ACER3: variants seen among roughly 807,000 people sequenced by gnomAD.
ACER3 encodes the protein alkCDase 3.
A neutral mutation model predicts 48.9 loss-of-function variants in ACER3; 16 were observed. That is an observed-to-expected ratio of 0.33 (90% CI 0.22 to 0.50). The LOEUF is 0.50. ACER3 is among the 20% of genes least tolerant of loss of function. The pLI is 0.98. For missense variants in ACER3, 227 were observed against 326.0 expected (o/e 0.70, Z 2.34); for synonymous variants, 109 against 107.8 (o/e 1.01, Z -0.07).
intron 3 of ACER3, among the ~76,000 whole-genome samples, chr11:76,961,783 A>G (rs1948000748): frequency 6.8e-6 from 1 of 148,058 alleles, no homozygotes; most frequent in Non-Finnish European, 1.5e-5. Context: ...TAGATAATAA[A>G]TGATGTATTA....
At chr11:76,942,074 CTT>C (rs1348144516) in intron 2 of ACER3, among the ~76,000 whole-genome samples, 6 of 151,928 alleles carry the variant, frequency 3.9e-5, no homozygotes, top group Non-Finnish European at 8.8e-5. Flanking sequence ...TTGGTGGAGT[CTT>C]TAGGATTGTC....
chr11:76,886,466 T>C (rs1945673476), intron 1 of ACER3, among the ~76,000 whole-genome samples: 1 of 152,228 alleles, frequency 6.6e-6, no homozygotes, highest in African/African-American at 2.4e-5. Context: ...GAAATACCAT[T>C]GACAGTATAA....
At chr11:76,912,752 T>C (rs1389390704) in intron 1 of ACER3, among the ~76,000 whole-genome samples, 2 of 152,168 alleles carry the variant, frequency 1.3e-5, no homozygotes, top group African/African-American at 4.8e-5. Flanking sequence ...TTTTTGCATG[T>C]ATTAAGGCAA....
At position 76,995,658 on chromosome 11, in the gene ACER3, C is replaced by T. The variant is rs188271725; in HGVS notation, c.439-3105C>T. On this transcript the variant is annotated intron_variant, in intron 6 of 10. Coordinates refer to ENST00000532485, the MANE Select transcript of ACER3 (RefSeq NM_018367.7). ...AAGTTTAGAAATCAAACTTATATAG[C>T]TGAACATGCTGCCAGCCAGATAAAA... 4.0e-5 allele frequency among the ~76,000 whole-genome samples: 6 copies of T among 151,788 alleles called. No individual in the cohort carries two copies. In the East Asian group the frequency reaches 5.8e-4, roughly 15 times the overall value.
At chr11:76,938,684 T>C (rs1444384562) in intron 2 of ACER3, among the ~76,000 whole-genome samples, 2 of 152,152 alleles carry the variant, frequency 1.3e-5, no homozygotes, top group Non-Finnish European at 2.9e-5. Context: ...AGATACAGAT[T>C]TGGATGAGCG....
chr11:76,886,360 G>C (rs980207088), intron 1 of ACER3, among the ~76,000 whole-genome samples: 1 of 152,200 alleles, frequency 6.6e-6, no homozygotes, highest in African/African-American at 2.4e-5. Flanking sequence ...CCATGGTAAA[G>C]AGATTGGCTT....
chr11:76,902,672 T>C (rs1055302091), intron 1 of ACER3, among the ~76,000 whole-genome samples: 2 of 152,198 alleles, frequency 1.3e-5, no homozygotes, highest in Non-Finnish European at 2.9e-5. Context: ...TATTCAAAGT[T>C]TACAATATTG....
At chr11:76,942,402 T>G (rs1947361602) in intron 2 of ACER3, among the ~76,000 whole-genome samples, 2 of 152,208 alleles carry the variant, frequency 1.3e-5, no homozygotes, top group South Asian at 4.1e-4. Flanking sequence ...GATTTTTTTT[T>G]GCATCTATTG....
chr11:77,000,861 C>A (rs1340787545), intron 7 of ACER3, among the ~76,000 whole-genome samples: 1 of 151,872 alleles, frequency 6.6e-6, no homozygotes, highest in African/African-American at 2.4e-5. Flanking sequence ...CCACTTCATT[C>A]TTTTTTTTCA....
chr11:76,893,969 G>A (rs1235976174), intron 1 of ACER3, among the ~76,000 whole-genome samples: 1 of 152,138 alleles, frequency 6.6e-6, no homozygotes, highest in Non-Finnish European at 1.5e-5. Context: ...TCAACTTCTT[G>A]GCATCAGCAT....
At chr11:76,998,491 A>T (rs1320984572) in intron 6 of ACER3, 1 of 358,012 alleles carries the variant, frequency 2.8e-6, no homozygotes, top group African/African-American at 2.2e-5. Flanking sequence ...GTTTCAGCAG[A>T]TATTTAAAAT....
intron 4 of ACER3, among the ~76,000 whole-genome samples, chr11:76,979,629 G>A (rs1360033285): frequency 4.6e-5 from 7 of 151,786 alleles, no homozygotes; most frequent in Admixed American, 4.6e-4. Context: ...CTCCAGCCTG[G>A]GTGACAGAGT....
intron 1 of ACER3, among the ~76,000 whole-genome samples, chr11:76,890,158 A>G (rs1203000893): frequency 2.0e-5 from 3 of 152,142 alleles, no homozygotes; most frequent in African/African-American, 4.8e-5. Context: ...GGTTTTGTTC[A>G]TTGCTGTATC....
At chr11:76,916,170 T>G (rs911030984) in intron 1 of ACER3, among the ~76,000 whole-genome samples, 1 of 152,174 alleles carries the variant, frequency 6.6e-6, no homozygotes, top group Non-Finnish European at 1.5e-5. Context: ...TATACTGAAA[T>G]TAGTTTGGGG....
intron 1 of ACER3, among the ~76,000 whole-genome samples, chr11:76,915,215 G>A (rs1291348313): frequency 1.3e-5 from 2 of 150,258 alleles, no homozygotes; most frequent in Non-Finnish European, 3.0e-5. Context: ...AAATAAATAA[G>A]TTAAAAAAAA....
At chr11:76,929,069 G>C (rs150571737) in intron 2 of ACER3, among the ~76,000 whole-genome samples, 7 of 152,074 alleles carry the variant, frequency 4.6e-5, no homozygotes, top group Admixed American at 2.0e-4. Context: ...CCATTTTCAC[G>C]ATATTGATTC....
chr11:76,909,291 G>T (rs1422644971), intron 1 of ACER3, among the ~76,000 whole-genome samples: 23 of 152,072 alleles, frequency 1.5e-4, no homozygotes, highest in Admixed American at 1.3e-3. Context: ...TTAAACTAAA[G>T]AACTTCTGCA....
intron 2 of ACER3, among the ~76,000 whole-genome samples, chr11:76,935,587 A>T (rs573428589): frequency 6.6e-6 from 1 of 152,186 alleles, no homozygotes; most frequent in East Asian, 1.9e-4. Context: ...AGCATTTTCT[A>T]AAAAAATGAA....
At chr11:76,957,355 T>A (rs1021958856) in intron 2 of ACER3, 2 of 302,252 alleles carry the variant, frequency 6.6e-6, no homozygotes, top group African/African-American at 2.2e-5. Flanking sequence ...TAGAATTTTT[T>A]AAATTTTGGA....
Sources: allele counts gnomAD v4.1 joint callset (sites outside exome capture counted in the v4.1 genomes callset), GRCh38; gene constraint gnomAD v4.1.1; transcripts MANE v1.5; gene names NCBI Gene and HGNC (gene_info 2026-07-23, HGNC 2026-07-21).